URAD: variants seen among roughly 807,000 people sequenced by gnomAD.
URAD encodes ureidoimidazoline (2-oxo-4-hydroxy-4-carboxy-5-) decarboxylase, also known as putative 2-oxo-4-hydroxy-4-carboxy-5-ureidoimidazoline decarboxylase.
In URAD, 4 loss-of-function variants were observed where a neutral mutation model predicts 4.6. That is an observed-to-expected ratio of 0.87 (90% CI 0.43 to 1.98). The LOEUF (loss-of-function observed/expected upper bound fraction) is 1.98, where lower values mean the gene tolerates loss of function less well. Ranked by LOEUF, URAD falls within the 30% of genes most tolerant of loss-of-function variation. URAD has a pLI of 0.03. For missense variants in URAD, 300 were observed against 255.3 expected (o/e 1.18, Z -1.19); for synonymous variants, 144 against 118.2 (o/e 1.22, Z -1.41).
intron 1 of URAD, among the ~76,000 whole-genome samples, chr13:27,988,237 G>C (rs189726504): frequency 6.7e-6 from 1 of 149,900 alleles, no homozygotes; most frequent in African/African-American, 2.4e-5. Context: ...GATTACAGGC[G>C]TGAGCCACCA....
At position 27,978,252 on chromosome 13, in the gene URAD, T is replaced by C; in HGVS notation, c.376A>G (p.Ser126Gly). ...GFPFVLAARF[S>G]DRTAVPRELA... ...TCGCGCGGCACCGCCGTCCGGTCGC[T>C]GAAGCGCGCGGCGAGCACGAAGGGG... Residue 126 changes from serine to glycine, a missense_variant, in exon 2 of 2, where the codon AGC (serine) becomes GGC (glycine). By Grantham distance (56) the Ser-to-Gly change is moderately conservative. Coordinates refer to ENST00000332715, the MANE Select transcript of URAD (RefSeq NM_001105577.2). 1 of 1,446,812 alleles carries C rather than the reference T, an allele frequency of 6.9e-7. No individual in the cohort carries two copies. 89.6% of individuals were successfully genotyped at this position (1,446,812 alleles called of 1,614,324 possible). A position where few individuals can be genotyped will look rare whatever the true frequency, so the allele number is the denominator to read the frequency against.
At chr13:27,987,567 A>C (rs77919548) in intron 1 of URAD, among the ~76,000 whole-genome samples, 17,907 of 152,062 alleles carry the variant, frequency 0.12, 1,167 homozygotes, top group Middle Eastern at 0.16. Context: ...GGCTCTGGAG[A>C]TAGTCTGGTA....
At chr13:27,987,716 C>G (rs1016480612) in intron 1 of URAD, among the ~76,000 whole-genome samples, 1 of 152,142 alleles carries the variant, frequency 6.6e-6, no homozygotes, top group African/African-American at 2.4e-5. Flanking sequence ...GACCTCAAAG[C>G]TCTAATATTT....
intron 1 of URAD, 119 bp from the exon 2 acceptor site, chr13:27,978,571 C>G: frequency 3.9e-6 from 3 of 768,732 alleles, no homozygotes; most frequent in Non-Finnish European, 5.3e-6. Context: ...CCGCCCGGCC[C>G]CAAAGAAGGC....
chr13:27,981,308 G>A (rs1225763855), intron 1 of URAD, among the ~76,000 whole-genome samples: 1 of 152,182 alleles, frequency 6.6e-6, no homozygotes, highest in East Asian at 1.9e-4. Context: ...TGGATACTGG[G>A]CAAGTAGGTG....
chr13:27,978,548 G>A (rs913131698), intron 1 of URAD, 96 bp from the exon 2 acceptor site: 8 of 842,064 alleles, frequency 9.5e-6, no homozygotes, highest in Non-Finnish European at 1.3e-5. Flanking sequence ...CGGCCCCCCT[G>A]CCCCGCCCCG....
chr13:27,988,339 A>T, intron 1 of URAD, 124 bp downstream of exon 1: 1 of 955,480 alleles, frequency 1.0e-6, no homozygotes, highest in Non-Finnish European at 1.5e-6. Context: ...TGATCCTCCC[A>T]TCTCAGCCTC....
In URAD at chr13:27,988,657, A is replaced by T; in HGVS notation, c.-20T>A. 1 of 1,564,664 alleles carries T rather than the reference A, an allele frequency of 6.4e-7. No homozygotes were observed. ...GTCCATTCCTTGTATTCCACTGGAG[A>T]CAGCGGGACGTCCAGCTCCCCTCTC... On this transcript the variant is annotated 5_prime_UTR_variant, in exon 1 of 2. Coordinates refer to ENST00000332715, the MANE Select transcript of URAD (RefSeq NM_001105577.2).
At chr13:27,987,948 CT>C (rs1355144828) in intron 1 of URAD, among the ~76,000 whole-genome samples, 4 of 145,178 alleles carry the variant, frequency 2.8e-5, no homozygotes, top group African/African-American at 5.2e-5. Context: ...TTAAAAACAA[CT>C]TTTTTTGTTG....
At chr13:27,983,354 C>G (rs773028447) in intron 1 of URAD, among the ~76,000 whole-genome samples, 2 of 152,032 alleles carry the variant, frequency 1.3e-5, no homozygotes, top group Non-Finnish European at 2.9e-5. Flanking sequence ...CTCAGCCTCC[C>G]GAGTAGCTAG....
At position 27,978,465 on chromosome 13, in the gene URAD, A is replaced by C. The variant is rs1274515420; in HGVS notation, c.176-13T>G. 7.6e-7 allele frequency: 1 copy of C among 1,311,664 alleles called. No individual in the cohort carries two copies. The highest frequency in any genetic ancestry group is 1.6e-5 in the African/African-American group (1 of 64,512). 81.3% of individuals were successfully genotyped at this position (1,311,664 alleles called of 1,614,324 possible). A position where few individuals can be genotyped will look rare whatever the true frequency, so the allele number is the denominator to read the frequency against. On this transcript the variant is annotated splice_polypyrimidine_tract_variant and intron_variant, in intron 1 of 1. Coordinates refer to ENST00000332715, the MANE Select transcript of URAD (RefSeq NM_001105577.2). ...ATGCCCTCCTGGCCTGCGGAGAAGC[A>C]CAGACACCGGCGGGAGCGCGTCAAC...
chr13:27,988,066 C>A (rs563402319), intron 1 of URAD, among the ~76,000 whole-genome samples: 2 of 152,330 alleles, frequency 1.3e-5, no homozygotes, highest in South Asian at 2.1e-4. Context: ...TCAAGCGATT[C>A]TCCTGCCTCA....
At chr13:27,980,888 C>T (rs1869855062) in intron 1 of URAD, among the ~76,000 whole-genome samples, 1 of 152,100 alleles carries the variant, frequency 6.6e-6, no homozygotes, top group African/African-American at 2.4e-5. Flanking sequence ...TAGAACTGAG[C>T]ACGAGTTTTC....
rs1301444752 is a variant in URAD at position 27,978,234 on chromosome 13, G to T, written c.394C>A (p.Pro132Thr). 1 of 1,464,238 alleles carries T rather than the reference G, an allele frequency of 6.8e-7. No homozygotes were observed. 90.7% of individuals were successfully genotyped at this position (1,464,238 alleles called of 1,614,324 possible). A position where few individuals can be genotyped will look rare whatever the true frequency, so the allele number is the denominator to read the frequency against. ...AGCAGCCGGCGCGCCAGCTCGCGCG[G>T]CACCGCCGTCCGGTCGCTGAAGCGC... ...AARFSDRTAV[P>T]RELARRLLCP... The change falls in exon 2 of 2, where the codon CCG becomes ACG. Residue 132 changes from proline to threonine, a missense_variant. Physicochemically the swap from Pro to Thr is conservative, Grantham distance 38. Coordinates refer to ENST00000332715, the MANE Select transcript of URAD (RefSeq NM_001105577.2).
intron 1 of URAD, among the ~76,000 whole-genome samples, chr13:27,985,308 A>G (rs1457605343): frequency 6.6e-6 from 1 of 151,882 alleles, no homozygotes; most frequent in African/African-American, 2.4e-5. Flanking sequence ...AAATAGAAAA[A>G]TTAGCTGGGC....
chr13:27,980,303 G>T (rs1176053460), intron 1 of URAD, among the ~76,000 whole-genome samples: 2 of 152,058 alleles, frequency 1.3e-5, no homozygotes, highest in Admixed American at 1.3e-4. Context: ...GGTCTTTCCC[G>T]CTTCCCGCGT....
At chr13:27,981,028 CCTCTCTCT>C (rs112351328) in intron 1 of URAD, among the ~76,000 whole-genome samples, 1 of 117,132 alleles carries the variant, frequency 8.5e-6, no homozygotes, top group Non-Finnish European at 1.9e-5. Context: ...CTCTCTCTCT[CCTCTCTCT>C]CTCTCTCTCT....
intron 1 of URAD, among the ~76,000 whole-genome samples, chr13:27,986,186 A>G (rs1362633336): frequency 6.6e-6 from 1 of 152,188 alleles, no homozygotes; most frequent in East Asian, 1.9e-4. Flanking sequence ...CCACTGAGTC[A>G]CCCAGTTAAA....
chr13:27,988,051 C>T (rs772439628), intron 1 of URAD, among the ~76,000 whole-genome samples: 1 of 152,184 alleles, frequency 6.6e-6, no homozygotes, highest in Non-Finnish European at 1.5e-5. Context: ...CTCCGCTTCC[C>T]AGGCTCAAGC....
Sources: allele counts gnomAD v4.1 joint callset (sites outside exome capture counted in the v4.1 genomes callset), GRCh38; gene constraint gnomAD v4.1.1; transcripts MANE v1.5; gene names NCBI Gene and HGNC (gene_info 2026-07-23, HGNC 2026-07-21).